The following GLIPR1L2 variants were observed in gnomAD, a reference collection of about 807,000 sequenced individuals.
GLIPR1L2 encodes GLIPR1-like protein 2.
Under a neutral mutation model 28.4 loss-of-function variants are expected in GLIPR1L2, and 21 were observed. The ratio of observed to expected loss-of-function variants is 0.74; its 90% confidence interval spans 0.52 to 1.06. GLIPR1L2 has a LOEUF of 1.06. GLIPR1L2 is among the 50% of genes least tolerant of loss of function. GLIPR1L2 has a pLI of 0.00. For missense variants in GLIPR1L2, 476 were observed against 416.9 expected (o/e 1.14, Z -1.23); for synonymous variants, 145 against 139.3 (o/e 1.04, Z -0.29).
intron 4 of GLIPR1L2, among the ~76,000 whole-genome samples, chr12:75,425,516 A>G (rs1253892816): frequency 2.0e-5 from 3 of 152,224 alleles, no homozygotes; most frequent in African/African-American, 4.8e-5. Context: ...CTGGGTTTCA[A>G]AGTCTGAGCA....
rs2046101655 is a variant in GLIPR1L2, at chr12:75,432,610, A to G, written c.*1449A>G. ...ATTTACTCTGTTGTTCTTTAGTTGT[A>G]TCAATATTCTGTTAAAAACCTGTTC... On this transcript the variant is annotated 3_prime_UTR_variant, in exon 6 of 6. Transcript: ENST00000550916. 1 of 151,912 alleles carries G rather than the reference A, an allele frequency of 6.6e-6. No homozygotes were observed. The allele number at this position is 151,912 out of a possible 1,614,324, so 9.4% of individuals were successfully genotyped here.
intron 1 of GLIPR1L2, among the ~76,000 whole-genome samples, chr12:75,394,190 TA>T (rs2045659154): frequency 6.6e-6 from 1 of 152,076 alleles, no homozygotes; most frequent in Non-Finnish European, 1.5e-5. Context: ...GATTTGAAAG[TA>T]TTTTCTCCCG....
chr12:75,401,474 A>T (rs1041012947), intron 1 of GLIPR1L2, among the ~76,000 whole-genome samples: 1 of 151,922 alleles, frequency 6.6e-6, no homozygotes, highest in Non-Finnish European at 1.5e-5. Context: ...TAAAAATACG[A>T]AGAAATATTT....
intron 1 of GLIPR1L2, among the ~76,000 whole-genome samples, chr12:75,405,847 G>T (rs955187644): frequency 6.6e-6 from 1 of 151,982 alleles, no homozygotes; most frequent in African/African-American, 2.4e-5. Flanking sequence ...AGACCAAATG[G>T]TTTTATTTAT....
At chr12:75,392,344 A>T (rs2045629809) in intron 1 of GLIPR1L2, among the ~76,000 whole-genome samples, 1 of 152,210 alleles carries the variant, frequency 6.6e-6, no homozygotes, top group Admixed American at 6.5e-5. Context: ...GGACATGTTC[A>T]ATTACTTGCT....
chr12:75,398,085 C>T (rs1205413006), intron 1 of GLIPR1L2, among the ~76,000 whole-genome samples: 1 of 150,454 alleles, frequency 6.6e-6, no homozygotes, highest in Non-Finnish European at 1.5e-5. Context: ...AATCCCAACA[C>T]TTCGGGAGGC....
chr12:75,423,421 AG>A, intron 4 of GLIPR1L2: 1 of 945,054 alleles, frequency 1.1e-6, no homozygotes. Flanking sequence ...AAAAGTAAAA[AG>A]TAGAAAATAT....
At position 75,410,647 on chromosome 12, in the gene GLIPR1L2, A is replaced by G; in HGVS notation, c.448A>G (p.Ser150Gly). 1 of 1,610,152 alleles carries G rather than the reference A, an allele frequency of 6.2e-7. No homozygotes were observed. The highest frequency in any genetic ancestry group is 8.5e-7 in the Non-Finnish European group (1 of 1,177,168). Residue 150 changes from serine (S) to glycine (G), a missense_variant, in exon 2 of 6, where the codon AGT (serine) becomes GGT (glycine). Ser to Gly is a moderately conservative substitution (Grantham distance 56, BLOSUM62 0). Transcript: ENST00000550916. The stretch of plus-strand genomic sequence containing the variant: ...GAAAATGTACAATTTTGAAAATGGC[A>G]GTTGCTCTGGAGACTGTTCTAATTA... ...EKKMYNFENG[S>G]CSGDCSNYIQ...
At chr12:75,423,129 T>A (rs1360857978) in intron 4 of GLIPR1L2, 140 bp downstream of exon 4, 1 of 1,547,048 alleles carries the variant, frequency 6.5e-7, no homozygotes, top group Non-Finnish European at 8.7e-7. Flanking sequence ...CAAAGGATGG[T>A]TGACACAGTA....
At position 75,432,070 on chromosome 12, in the gene GLIPR1L2, A is replaced by G. The variant is rs1429618082; in HGVS notation, c.*909A>G. 1 of 152,130 alleles carries G rather than the reference A, an allele frequency of 6.6e-6. No individual in the cohort carries two copies. Among genetic ancestry groups the G allele is most frequent in the Non-Finnish European group, 1.5e-5 (1 of 67,966 alleles). The allele number at this position is 152,130 out of a possible 1,614,324, so 9.4% of individuals were successfully genotyped here. On this transcript the variant is annotated 3_prime_UTR_variant, in exon 6 of 6. Transcript: ENST00000550916. ...TCCATCAATGAATATTCATGGATCA[A>G]CTTTGTAAAGGAATCAATAGTAGTT...
At chr12:75,395,273 A>G (rs2045671153) in intron 1 of GLIPR1L2, among the ~76,000 whole-genome samples, 2 of 152,008 alleles carry the variant, frequency 1.3e-5, no homozygotes, top group Non-Finnish European at 2.9e-5. Flanking sequence ...CCAAGGAGTA[A>G]ATTCCACTGG....
At chr12:75,416,727 C>T (rs1382123010) in intron 3 of GLIPR1L2, among the ~76,000 whole-genome samples, 1 of 152,114 alleles carries the variant, frequency 6.6e-6, no homozygotes, top group Non-Finnish European at 1.5e-5. Context: ...GATGAAGCTA[C>T]CAGTTGTTGA....
At chr12:75,400,279 C>T (rs1452122388) in intron 1 of GLIPR1L2, among the ~76,000 whole-genome samples, 2 of 151,966 alleles carry the variant, frequency 1.3e-5, no homozygotes, top group African/African-American at 2.4e-5. Context: ...CCACCACGCC[C>T]GGCTAATTTT....
intron 4 of GLIPR1L2, among the ~76,000 whole-genome samples, chr12:75,427,243 T>C (rs2046043353): frequency 6.6e-6 from 1 of 152,020 alleles, no homozygotes; most frequent in Non-Finnish European, 1.5e-5. Context: ...ATATAATCAA[T>C]GAAAATTAAT....
At chr12:75,428,720 G>A (rs11829975) in intron 4 of GLIPR1L2, among the ~76,000 whole-genome samples, 26,673 of 152,154 alleles carry the variant, frequency 0.18, 2,588 homozygotes, top group Admixed American at 0.24. Context: ...CCCAGTCCCC[G>A]CTGCTCTGTG....
chr12:75,413,084 C>T (rs61932209), intron 2 of GLIPR1L2, among the ~76,000 whole-genome samples: 26,280 of 151,242 alleles, frequency 0.17, 2,498 homozygotes, highest in Admixed American at 0.24. Flanking sequence ...TCTCAGCAAA[C>T]TATCGCAAGG....
chr12:75,394,600 T>C (rs1428809728), intron 1 of GLIPR1L2, among the ~76,000 whole-genome samples: 1 of 151,968 alleles, frequency 6.6e-6, no homozygotes, highest in Non-Finnish European at 1.5e-5. Flanking sequence ...CTAATATGTC[T>C]GTATGCTATT....
intron 1 of GLIPR1L2, among the ~76,000 whole-genome samples, chr12:75,395,505 G>C (rs887740390): frequency 7.2e-5 from 11 of 151,876 alleles, no homozygotes; most frequent in African/African-American, 2.4e-4. Flanking sequence ...GGAAGAGTTT[G>C]AGAATTGATG....
intron 1 of GLIPR1L2, among the ~76,000 whole-genome samples, chr12:75,406,757 C>CA (rs373650750): frequency 0.31 from 34,599 of 110,154 alleles, 6,589 homozygotes; most frequent in Middle Eastern, 0.49. Context: ...GTCCCTATCT[C>CA]AAAAAAAAAA....
Sources: gnomAD v4.1 joint callset for allele counts (sites outside exome capture counted in the v4.1 genomes callset) on GRCh38, gnomAD v4.1.1 for gene constraint, MANE v1.5 for transcripts, NCBI Gene and HGNC (gene_info 2026-07-23, HGNC 2026-07-21) for gene names.